The following MEIKIN variants were observed in gnomAD, a reference collection of about 807,000 sequenced individuals.
MEIKIN encodes the protein meiosis-specific kinetochore protein.
At chr5:131,894,479 T>C (rs1344747382) in intron 8 of MEIKIN, among the ~76,000 whole-genome samples, 1 of 152,212 alleles carries the variant, frequency 6.6e-6, no homozygotes, top group African/African-American at 2.4e-5. Flanking sequence ...AATCTATAAA[T>C]TACCTTGGGC....
intron 11 of MEIKIN, among the ~76,000 whole-genome samples, chr5:131,819,462 GA>G (rs1749440670): frequency 8.9e-6 from 1 of 111,940 alleles, no homozygotes; most frequent in Non-Finnish European, 1.8e-5. Flanking sequence ...CAGGGGGAGG[GA>G]GGGGGAGGGG....
intron 8 of MEIKIN, among the ~76,000 whole-genome samples, chr5:131,892,199 T>G (rs922900146): frequency 6.6e-6 from 1 of 152,086 alleles, no homozygotes. Context: ...GTGTCTTGGA[T>G]TTGCTCTTCT....
chr5:131,903,526 C>T (rs1263821589), intron 8 of MEIKIN, among the ~76,000 whole-genome samples: 1 of 152,080 alleles, frequency 6.6e-6, no homozygotes, highest in African/African-American at 2.4e-5. Context: ...AATTTTCAAC[C>T]AAGAATTTCA....
intron 6 of MEIKIN, among the ~76,000 whole-genome samples, chr5:131,917,511 A>C (rs758602744): frequency 1.3e-5 from 2 of 148,816 alleles, no homozygotes; most frequent in Non-Finnish European, 3.0e-5. Flanking sequence ...GGCTGCAGTG[A>C]GCCGAGATTG....
At chr5:131,846,092 T>C (rs1384177689) in intron 11 of MEIKIN, among the ~76,000 whole-genome samples, 1 of 152,190 alleles carries the variant, frequency 6.6e-6, no homozygotes, top group East Asian at 1.9e-4. Flanking sequence ...GTCAGAAATG[T>C]TGGCTACCAG....
intron 5 of MEIKIN, among the ~76,000 whole-genome samples, chr5:131,924,306 T>C (rs1158221567): frequency 6.6e-6 from 1 of 152,184 alleles, no homozygotes; most frequent in African/African-American, 2.4e-5. Context: ...TAATATCTCT[T>C]TGAGATCCTG....
rs180961028 is a variant in MEIKIN at position 131,846,045 on chromosome 5, C to T, written c.975+5219G>A. Reference sequence around the variant, plus strand: ...GCAGCAAGAGAAGTGACTTGTTGCACACAAGGGATCTTTATAAGATAATCA... The same window carrying T: ...GCAGCAAGAGAAGTGACTTGTTGCATACAAGGGATCTTTATAAGATAATCA... On this transcript the variant is annotated intron_variant, in intron 11 of 12. Transcript: ENST00000442687. Among the ~76,000 whole-genome samples, 447 of 152,242 alleles carry T rather than the reference C, an allele frequency of 2.9e-3. 1 individual carries two copies. Among genetic ancestry groups the T allele is most frequent in the Middle Eastern group, 0.01 (3 of 294 alleles).
chr5:131,873,591 G>A lies in MEIKIN; in HGVS notation c.774+5387C>T, dbSNP rs1303712159. Among the ~76,000 whole-genome samples, 6 of 152,246 alleles carry A rather than the reference G, an allele frequency of 3.9e-5. No individual in the cohort carries two copies. In the South Asian group the frequency reaches 1.2e-3, roughly 32 times the overall value. The stretch of plus-strand genomic sequence containing the variant: ...CACTGTCAACATTAGACAGATCAAT[G>A]AGACAGAAAGTTAACAAGGATACCG... On this transcript the variant is annotated intron_variant, in intron 9 of 12. Coordinates refer to ENST00000442687, the MANE Select transcript of MEIKIN (RefSeq NM_001303622.2).
intron 9 of MEIKIN, among the ~76,000 whole-genome samples, chr5:131,855,086 A>G (rs1750171832): frequency 6.6e-6 from 1 of 152,210 alleles, no homozygotes; most frequent in Non-Finnish European, 1.5e-5. Flanking sequence ...GGTTGAAATG[A>G]ATACCTTGGT....
chr5:131,855,161 G>T (rs1750172540), intron 9 of MEIKIN, among the ~76,000 whole-genome samples: 1 of 152,184 alleles, frequency 6.6e-6, no homozygotes, highest in Non-Finnish European at 1.5e-5. Flanking sequence ...TGGCGCTTCA[G>T]TTATCTTTGT....
chr5:131,823,091 C>T (rs1187882895), intron 11 of MEIKIN, among the ~76,000 whole-genome samples: 2 of 151,940 alleles, frequency 1.3e-5, no homozygotes, highest in Non-Finnish European at 2.9e-5. Flanking sequence ...TACGTTGTTT[C>T]TTTTTTTCTT....
chr5:131,836,778 T>C (rs539181533), intron 11 of MEIKIN, among the ~76,000 whole-genome samples: 8 of 152,066 alleles, frequency 5.3e-5, no homozygotes, highest in Non-Finnish European at 8.8e-5. Flanking sequence ...CAGTTCGTTA[T>C]AGATGCTGGA....
At chr5:131,874,233 A>G (rs1220097853) in intron 9 of MEIKIN, among the ~76,000 whole-genome samples, 1 of 152,234 alleles carries the variant, frequency 6.6e-6, no homozygotes, top group Non-Finnish European at 1.5e-5. Context: ...GATCAACAAA[A>G]TTGACAGACC....
At chr5:131,865,819 G>A (rs1346928450) in intron 9 of MEIKIN, among the ~76,000 whole-genome samples, 3 of 152,210 alleles carry the variant, frequency 2.0e-5, no homozygotes, top group Admixed American at 6.5e-5. Flanking sequence ...TGTTATCTGT[G>A]ATTTCCTTGG....
intron 11 of MEIKIN, among the ~76,000 whole-genome samples, chr5:131,840,008 G>C (rs1226987948): frequency 6.6e-6 from 1 of 152,158 alleles, no homozygotes; most frequent in Non-Finnish European, 1.5e-5. Flanking sequence ...CCCATATTTA[G>C]TGCTTTCTTC....
intron 8 of MEIKIN, among the ~76,000 whole-genome samples, chr5:131,905,703 C>A (rs979454284): frequency 2.6e-5 from 4 of 152,024 alleles, no homozygotes; most frequent in African/African-American, 9.7e-5. Flanking sequence ...AACACACAGA[C>A]CAATAGAGAA....
chr5:131,898,312 C>T (rs1751089001), intron 8 of MEIKIN, among the ~76,000 whole-genome samples: 1 of 152,156 alleles, frequency 6.6e-6, no homozygotes, highest in East Asian at 1.9e-4. Context: ...CCCAGAGGGG[C>T]AGCCGCCTAT....
intron 9 of MEIKIN, among the ~76,000 whole-genome samples, chr5:131,858,312 A>G (rs1750230603): frequency 6.6e-6 from 1 of 152,254 alleles, no homozygotes. Context: ...TCTTCGACAA[A>G]GCTGACAAAA....
intron 8 of MEIKIN, among the ~76,000 whole-genome samples, chr5:131,885,370 AG>A (rs2149631074): frequency 2.0e-5 from 1 of 49,178 alleles, no homozygotes; most frequent in South Asian, 8.9e-4. Flanking sequence ...AGAGAGAGAG[AG>A]AGAGAGAGAG....
Sources: gnomAD v4.1 joint callset for allele counts (sites outside exome capture counted in the v4.1 genomes callset) on GRCh38, gnomAD v4.1.1 for gene constraint, MANE v1.5 for transcripts, NCBI Gene and HGNC (gene_info 2026-07-23, HGNC 2026-07-21) for gene names.